The following RFX6 variants were observed in gnomAD, a reference collection of about 807,000 sequenced individuals.
RFX6 encodes DNA-binding protein RFX6.
Under a neutral mutation model 110.8 loss-of-function variants are expected in RFX6, and 50 were observed. The ratio of observed to expected loss-of-function variants is 0.45; its 90% CI spans 0.36 to 0.57. The LOEUF is 0.57. Among genes scored for constraint, RFX6 ranks in the 20% least tolerant of loss-of-function variants. RFX6 has a pLI of 0.00. For synonymous variants in RFX6, 383 were observed against 411.2 expected, an observed-to-expected ratio of 0.93 and a Z score of 0.83; for missense variants, 990 against 1,127.0, an observed-to-expected ratio of 0.88 and a Z score of 1.74.
At chr6:116,926,810 C>T (rs1015318062) in intron 16 of RFX6, among the ~76,000 whole-genome samples, 5 of 152,150 alleles carry the variant, frequency 3.3e-5, no homozygotes, top group African/African-American at 1.2e-4. Context: ...CTGTAGTCAC[C>T]AAATCCACGT....
intron 4 of RFX6, chr6:116,884,924 TG>T (rs1340471504): frequency 6.6e-6 from 1 of 152,212 alleles, no homozygotes; most frequent in Non-Finnish European, 1.5e-5. Context: ...TTTTTTGATA[TG>T]TTTATATCAT....
At chr6:116,887,163 T>C (rs1774716480) in intron 4 of RFX6, among the ~76,000 whole-genome samples, 1 of 151,992 alleles carries the variant, frequency 6.6e-6, no homozygotes, top group Admixed American at 6.6e-5. Context: ...CTGTCAAAAT[T>C]AGGAACAATT....
intron 4 of RFX6, among the ~76,000 whole-genome samples, chr6:116,892,695 A>G (rs920097707): frequency 8.5e-5 from 13 of 152,212 alleles, no homozygotes; most frequent in Admixed American, 7.2e-4. Flanking sequence ...TGCTAAATTC[A>G]TATTTACCTA....
intron 15 of RFX6, 52 bp from the exon 16 acceptor site, chr6:116,925,401 C>A: frequency 7.3e-7 from 1 of 1,365,832 alleles, no homozygotes. Flanking sequence ...GGTTTATCTA[C>A]GAGGAATGTG....
intron 1 of RFX6, 58 bp downstream of exon 1, chr6:116,877,556 G>A (rs550492805): frequency 1.5e-6 from 2 of 1,305,460 alleles, no homozygotes; most frequent in East Asian, 5.0e-5. Context: ...TCTAAGAAGG[G>A]CACCCAATAA....
chr6:116,921,249 C>T (rs1045489504), intron 12 of RFX6, among the ~76,000 whole-genome samples: 1 of 152,100 alleles, frequency 6.6e-6, no homozygotes, highest in African/African-American at 2.4e-5. Context: ...ACCTTAAAAC[C>T]TTTAATAAAA....
chr6:116,915,995 T>C lies in RFX6; in HGVS notation c.781-13T>C, dbSNP rs1346689091. On this transcript the variant is annotated splice_polypyrimidine_tract_variant and intron_variant, in intron 7 of 18. Coordinates refer to ENST00000332958, the MANE Select transcript of RFX6 (RefSeq NM_173560.4). ...AAGGATGCTTTGGTTAAGCTTTTTC[T>C]TCCTTGAAATAGGTTGATACGCTCA... The C allele has an allele frequency of 1.3e-6, 2 of 1,589,100 alleles. No homozygotes were observed. The highest frequency in any genetic ancestry group is 1.7e-6 in the Non-Finnish European group (2 of 1,158,106).
At chr6:116,901,860 T>C (rs1327397950) in intron 6 of RFX6, among the ~76,000 whole-genome samples, 1 of 152,134 alleles carries the variant, frequency 6.6e-6, no homozygotes, top group Non-Finnish European at 1.5e-5. Flanking sequence ...AACCTTCACA[T>C]TGTGCACAAG....
At chr6:116,907,906 GTTA>G (rs1775241731) in intron 6 of RFX6, among the ~76,000 whole-genome samples, 1 of 151,910 alleles carries the variant, frequency 6.6e-6, no homozygotes, top group Non-Finnish European at 1.5e-5. Context: ...TTGATTATCT[GTTA>G]TTATCTGTTA....
Position 116,931,565 on chromosome 6 carries a change from CATT to C in RFX6, c.*63_*65del. On this transcript the variant is annotated 3_prime_UTR_variant, in exon 19 of 19. Coordinates refer to ENST00000332958, the MANE Select transcript of RFX6 (RefSeq NM_173560.4). Reference sequence around the variant, plus strand: ...AAAAAAATCTCTACTGTGCAAATATCATTATTCACTCAGACTTCCATAAGAGTA... The same window carrying C: ...AAAAAAATCTCTACTGTGCAAATATCATTCACTCAGACTTCCATAAGAGTA... 1 of 1,202,012 alleles carries C rather than the reference CATT, an allele frequency of 8.3e-7. No individual in the cohort carries two copies. The highest frequency in any genetic ancestry group is 1.2e-6 in the Non-Finnish European group (1 of 826,528). The allele number at this position is 1,202,012 out of a possible 1,614,324, so 74.5% of individuals were successfully genotyped here.
At chr6:116,886,813 C>T (rs1774708629) in intron 4 of RFX6, among the ~76,000 whole-genome samples, 1 of 151,734 alleles carries the variant, frequency 6.6e-6, no homozygotes, top group Non-Finnish European at 1.5e-5. Context: ...ACCTGTAATC[C>T]CAGCACTTTG....
In RFX6 at chr6:116,927,258, T is replaced by C; in HGVS notation, c.2117T>C (p.Val706Ala). Residue 706 changes from valine (V) to alanine (A), a missense_variant, in exon 17 of 19, where the codon GTG becomes GCG. Coordinates refer to ENST00000332958, the MANE Select transcript of RFX6 (RefSeq NM_173560.4). ...FYSTSSNYQTVFRAQPHSTSG... is the reference protein window; with the variant it reads ...FYSTSSNYQTAFRAQPHSTSG... ...AGCACCAGCTCTAACTACCAGACTG[T>C]GTTTAGGGCACAGCCCCACTCCACA... is the stretch of plus-strand genomic sequence containing the variant. The C allele has an allele frequency of 1.9e-6, 3 of 1,614,176 alleles. No individual in the cohort carries two copies. The highest frequency in any genetic ancestry group is 1.7e-6 in the Non-Finnish European group (2 of 1,180,034).
intron 12 of RFX6, among the ~76,000 whole-genome samples, chr6:116,920,974 A>G (rs1775582515): frequency 6.6e-6 from 1 of 152,158 alleles, no homozygotes. Flanking sequence ...GTATCTCAGC[A>G]CAATACTGCT....
At chr6:116,920,554 T>C in intron 12 of RFX6, 100 bp downstream of exon 12, 1 of 993,980 alleles carries the variant, frequency 1.0e-6, no homozygotes, top group Non-Finnish European at 1.6e-6. Flanking sequence ...CAGTGTGCTG[T>C]AGGATGTTTA....
intron 4 of RFX6, among the ~76,000 whole-genome samples, chr6:116,893,510 T>C (rs1342335826): frequency 6.6e-6 from 1 of 152,336 alleles, no homozygotes; most frequent in South Asian, 2.1e-4. Flanking sequence ...TTTTGATTCC[T>C]CGTGAGGAAA....
At chr6:116,898,535 G>A (rs1242004994) in intron 6 of RFX6, among the ~76,000 whole-genome samples, 1 of 152,090 alleles carries the variant, frequency 6.6e-6, no homozygotes, top group Non-Finnish European at 1.5e-5. Context: ...TTAGACTAAT[G>A]TCTAATGCTA....
At chr6:116,917,992 A>C (rs1000971758) in intron 9 of RFX6, 45 bp from the exon 10 acceptor site, 1 of 1,363,258 alleles carries the variant, frequency 7.3e-7, no homozygotes, top group Non-Finnish European at 1.0e-6. Flanking sequence ...TTTCTATAGA[A>C]ATACTAAGTA....
chr6:116,885,499 A>T (rs926346906), intron 4 of RFX6, among the ~76,000 whole-genome samples: 1 of 152,186 alleles, frequency 6.6e-6, no homozygotes, highest in Non-Finnish European at 1.5e-5. Context: ...TGTATTACAA[A>T]TGAGGAAATT....
intron 2 of RFX6, among the ~76,000 whole-genome samples, chr6:116,879,590 C>A (rs1279935933): frequency 1.3e-5 from 2 of 151,794 alleles, no homozygotes; most frequent in South Asian, 2.1e-4. Context: ...TAAATCAAAT[C>A]TTTGAAGGGT....
Sources: allele counts gnomAD v4.1 joint callset (sites outside exome capture counted in the v4.1 genomes callset), GRCh38; gene constraint gnomAD v4.1.1; transcripts MANE v1.5; gene names NCBI Gene and HGNC (gene_info 2026-07-23, HGNC 2026-07-21).